The following RCC1 variants were observed in gnomAD, a reference collection of about 807,000 sequenced individuals.
RCC1 encodes the protein regulator of chromosome condensation 1.
RCC1 carries 11 observed loss-of-function variants against 44.4 expected under a neutral mutation model. The observed-to-expected ratio is 0.25, with a 90% confidence interval of 0.16 to 0.41. The LOEUF (loss-of-function observed/expected upper bound fraction) is 0.41, where lower values mean the gene tolerates loss of function less well. Ranked by LOEUF, RCC1 falls within the 10% of genes least tolerant of loss-of-function variation. The pLI, the probability that RCC1 is intolerant of heterozygous loss-of-function variation, is 1.00. For missense variants in RCC1, 386 were observed against 547.1 expected, an observed-to-expected ratio of 0.71 and a Z score of 2.94; for synonymous variants, 213 against 216.5, an observed-to-expected ratio of 0.98 and a Z score of 0.14.
At chr1:28,509,124 G>A (rs938083140) in intron 3 of RCC1, 2 of 327,642 alleles carry the variant, frequency 6.1e-6, no homozygotes, top group Non-Finnish European at 1.2e-5. Context: ...TTTAAAAGTC[G>A]ACCTGTTTTG....
intron 1 of RCC1, chr1:28,507,909 T>C: frequency 3.2e-6 from 1 of 307,860 alleles, no homozygotes; most frequent in Admixed American, 4.7e-5. Flanking sequence ...CCTGGCTGGA[T>C]TGAAGTCTTA....
rs567395081 is a variant in RCC1, at chr1:28,537,893, C to T, written c.1152C>T (p.Asp384=). Residue 384 remains aspartate (D), a synonymous_variant, in exon 13 of 13, where the codon GAC becomes GAT. Coordinates refer to ENST00000683442, the MANE Select transcript of RCC1 (RefSeq NM_001381865.2). ...NYQLGTGQDE[D]AWSPVEMMGK... is the part of the protein sequence containing the mutation. The stretch of plus-strand genomic sequence containing the variant: ...AGCTGGGCACAGGGCAGGATGAGGA[C>T]GCCTGGAGCCCTGTGGAGATGATGG... The T allele has an allele frequency of 1.2e-4, 197 of 1,613,558 alleles. 1 individual carries two copies. The South Asian group carries it at 1.4e-3, about 11-fold the overall frequency.
Position 28,536,782 on chromosome 1 carries a change from C to A in RCC1, c.973C>A (p.Arg325=). Residue 325 remains arginine (R), a synonymous_variant, in exon 12 of 13, where the codon CGG becomes AGG. Transcript: ENST00000683442. The surrounding 1 kb of genome is among the most constrained non-coding windows in gnomAD (Gnocchi z 4.9). The stretch of plus-strand genomic sequence containing the variant: ...CAGCCTGGGCCGGGCTGAGTATGGG[C>A]GGCTGGGCCTTGGAGAGGGTGCTGA... ...AYSLGRAEYG[R]LGLGEGAEEK... 1 of 1,614,134 alleles carries A rather than the reference C, an allele frequency of 6.2e-7. No individual in the cohort carries two copies. Among genetic ancestry groups the A allele is most frequent in the Non-Finnish European group, 8.5e-7 (1 of 1,180,032 alleles).
chr1:28,529,182 CT>C (rs568053824), intron 4 of RCC1, among the ~76,000 whole-genome samples: 183 of 80,518 alleles, frequency 2.3e-3, no homozygotes, highest in African/African-American at 6.6e-3. Flanking sequence ...CGCGCCCAGG[CT>C]TTTTTTTTTT....
intron 4 of RCC1, chr1:28,518,116 C>A (rs1039877621): frequency 6.0e-5 from 9 of 150,120 alleles, no homozygotes; most frequent in Admixed American, 3.9e-4. Flanking sequence ...AGGGCTCCCC[C>A]AGCCCGGCCA....
chr1:28,535,032 C>A lies in RCC1; in HGVS notation c.442-18C>A. Reference sequence around the variant, plus strand: ...GCAGGCAGGACTGGCTGATAAGTGCCCTGTCCCTCCCTTCTAGGACAATAA... The same window carrying A: ...GCAGGCAGGACTGGCTGATAAGTGCACTGTCCCTCCCTTCTAGGACAATAA... On this transcript the variant is annotated intron_variant, in intron 7 of 12. Coordinates refer to ENST00000683442, the MANE Select transcript of RCC1 (RefSeq NM_001381865.2). 6.2e-7 allele frequency: 1 copy of A among 1,605,314 alleles called. No individual in the cohort carries two copies. The highest frequency in any genetic ancestry group is 8.5e-7 in the Non-Finnish European group (1 of 1,172,188).
intron 3 of RCC1, chr1:28,509,487 C>T (rs1052375972): frequency 1.6e-4 from 24 of 153,780 alleles, no homozygotes; most frequent in Admixed American, 1.3e-3. Context: ...GATCCGCCCA[C>T]CTCAGCCTCC....
intron 2 of RCC1, 22 bp downstream of exon 2, chr1:28,508,182 T>G: frequency 2.3e-6 from 1 of 440,782 alleles, no homozygotes; most frequent in South Asian, 1.6e-5. Flanking sequence ...TGCTAATTGT[T>G]TTTTGCTTAT....
rs1210042802 is a variant in RCC1, at chr1:28,529,938, G to A, written c.72G>A (p.Lys24=). The A allele has an allele frequency of 1.2e-6, 2 of 1,613,430 alleles. No homozygotes were observed. Among genetic ancestry groups the A allele is most frequent in the East Asian group, 4.5e-5 (2 of 44,858 alleles). Residue 24 remains lysine (K), a splice_region_variant and synonymous_variant, in exon 5 of 13, where the codon AAG becomes AAA. Coordinates refer to ENST00000683442, the MANE Select transcript of RCC1 (RefSeq NM_001381865.2). ...CCATCCCCAAAAGCAAGAAGGTGAA[G>A]GGTAAGTTGGCCTTGGCCTCTTTGT... ...ADAIPKSKKV[K]VSHRSHSTEP...
At chr1:28,508,459 G>A (rs1662210573) in intron 2 of RCC1, 2 of 435,174 alleles carry the variant, frequency 4.6e-6, no homozygotes, top group South Asian at 3.2e-5. Flanking sequence ...TTATCTACAT[G>A]TGTAGCCTGA....
intron 9 of RCC1, 144 bp downstream of exon 9, chr1:28,535,524 G>C: frequency 4.6e-6 from 6 of 1,315,476 alleles, no homozygotes; most frequent in Middle Eastern, 1.8e-4. Flanking sequence ...AGACTGCTCT[G>C]GTAGTTTTGC....
intron 4 of RCC1, among the ~76,000 whole-genome samples, chr1:28,519,474 T>G (rs1663135216): frequency 6.6e-6 from 1 of 152,134 alleles, no homozygotes; most frequent in African/African-American, 2.4e-5. Flanking sequence ...CGTTACAACT[T>G]TCTCATCAGA....
At chr1:28,522,713 G>T (rs1287829832) in intron 4 of RCC1, among the ~76,000 whole-genome samples, 1 of 151,970 alleles carries the variant, frequency 6.6e-6, no homozygotes, top group African/African-American at 2.4e-5. Context: ...TACTCTGGAG[G>T]CTGAGGCAGG....
intron 1 of RCC1, chr1:28,506,571 A>G (rs1661954675): frequency 4.6e-6 from 1 of 218,200 alleles, no homozygotes; most frequent in South Asian, 5.1e-5. Context: ...GGCCTGGGCC[A>G]GAAGTGGGCC....
chr1:28,511,095 G>C (rs771685987), intron 3 of RCC1, among the ~76,000 whole-genome samples: 4 of 152,172 alleles, frequency 2.6e-5, no homozygotes, highest in Non-Finnish European at 4.4e-5. Context: ...TTCTGGCCTT[G>C]TTCTTTGTGT....
At chr1:28,529,981 T>G (rs1557876771) in intron 5 of RCC1, 42 bp downstream of exon 5, 1 of 1,527,172 alleles carries the variant, frequency 6.5e-7, no homozygotes, top group East Asian at 2.3e-5. Flanking sequence ...GGTGGCCCCT[T>G]GAAACCCTAA....
At chr1:28,521,211 T>C (rs1428233669) in intron 4 of RCC1, among the ~76,000 whole-genome samples, 2 of 151,896 alleles carry the variant, frequency 1.3e-5, no homozygotes, top group Non-Finnish European at 2.9e-5. Context: ...TTTTAGAAGG[T>C]GGTCCTCTGG....
chr1:28,534,490 TTTAA>T (rs1664420329), intron 7 of RCC1, among the ~76,000 whole-genome samples: 2 of 152,176 alleles, frequency 1.3e-5, no homozygotes, highest in South Asian at 4.1e-4. Context: ...TCTTTTCTTT[TTTAA>T]TTAGAGACGA....
chr1:28,531,253 T>G (rs866205059), intron 5 of RCC1, among the ~76,000 whole-genome samples: 52 of 143,178 alleles, frequency 3.6e-4, no homozygotes, highest in African/African-American at 1.3e-3. Context: ...TAATTAGCTT[T>G]CTTTTCTTTT....
Sources: gnomAD v4.1 joint callset for allele counts (sites outside exome capture counted in the v4.1 genomes callset) on GRCh38, gnomAD v4.1.1 for gene constraint, Gnocchi (gnomAD v3.1) non-coding constraint, MANE v1.5 for transcripts, NCBI Gene and HGNC (gene_info 2026-07-23, HGNC 2026-07-21) for gene names.